SLC9A5: variants seen among roughly 807,000 people sequenced by gnomAD.
SLC9A5 encodes sodium/hydrogen exchanger 5.
In SLC9A5, 52 loss-of-function variants were observed where a neutral mutation model predicts 91.7. That is an observed-to-expected ratio of 0.57 (90% CI 0.45 to 0.71). The LOEUF is 0.71. SLC9A5 is among the 30% of genes least tolerant of loss of function. The pLI is 0.00. For missense variants in SLC9A5, 871 were observed against 1,158.9 expected (o/e 0.75, Z 3.61); for synonymous variants, 419 against 474.5 (o/e 0.88, Z 1.52).
In SLC9A5 at chr16:67,252,865, G is replaced by A. The variant is rs1597345414; in HGVS notation, c.490+21G>A. 1.9e-6 allele frequency: 3 copies of A among 1,598,104 alleles called. No homozygotes were observed. Among genetic ancestry groups the A allele is most frequent in the Non-Finnish European group, 1.7e-6 (2 of 1,173,728 alleles). ...TGTAGGTGAGTGACCCTAAGACCTG[G>A]GCTTTGCCAGACCCATCACCCCTCT... is the stretch of plus-strand genomic sequence containing the variant. On this transcript the variant is annotated intron_variant, in intron 2 of 15. Transcript: ENST00000299798. The surrounding 1 kb of genome is among the most constrained non-coding windows in gnomAD (Gnocchi z 4.0).
chr16:67,263,238 T>C (rs1431937242), intron 12 of SLC9A5: 1 of 151,850 alleles, frequency 6.6e-6, no homozygotes, highest in African/African-American at 2.4e-5. Flanking sequence ...GGAGAGAGGG[T>C]ACCTCCTGGT....
intron 15 of SLC9A5, among the ~76,000 whole-genome samples, chr16:67,268,705 TATA>T (rs1567421751): frequency 5.2e-5 from 5 of 95,452 alleles, no homozygotes; most frequent in African/African-American, 8.6e-5. Flanking sequence ...TATATATATA[TATA>T]TATTTTTACA....
rs2035280203 is a variant in SLC9A5, at chr16:67,255,499, A to G, written c.733+28A>G. ...CAGTATTTCCCCGCTCCCAGCTGGC[A>G]TTGGAGGTCTGCCTCCCCTGGGTTG... On this transcript the variant is annotated intron_variant, in intron 4 of 15. Coordinates refer to ENST00000299798, the MANE Select transcript of SLC9A5 (RefSeq NM_004594.3). The surrounding 1 kb of genome is among the most constrained non-coding windows in gnomAD (Gnocchi z 4.9). The G allele has an allele frequency of 1.2e-6, 2 of 1,609,560 alleles. No homozygotes were observed. Among genetic ancestry groups the G allele is most frequent in the African/African-American group, 2.7e-5 (2 of 74,812 alleles).
intron 2 of SLC9A5, among the ~76,000 whole-genome samples, chr16:67,253,251 A>AT (rs1360448113): frequency 1.1e-4 from 16 of 150,462 alleles, no homozygotes; most frequent in South Asian, 4.2e-4. Flanking sequence ...TTTTATTATT[A>AT]TTTTTTTTTC....
At position 67,271,474 on chromosome 16, in the gene SLC9A5, G is replaced by A; in HGVS notation, c.*264G>A. 1 of 502,866 alleles carries A rather than the reference G, an allele frequency of 2.0e-6. No homozygotes were observed. The highest frequency in any genetic ancestry group is 3.6e-6 in the Non-Finnish European group (1 of 278,740). 31.2% of individuals were successfully genotyped at this position (502,866 alleles called of 1,614,324 possible). On this transcript the variant is annotated 3_prime_UTR_variant, in exon 16 of 16. Transcript: ENST00000299798. ...CAGGACCCAGTCCAGGCCTTCTACG[G>A]GCTAGGCCCAGAGACTTGGGTTGCT...
chr16:67,253,697 A>G (rs2142343333), intron 2 of SLC9A5, among the ~76,000 whole-genome samples: 1 of 152,122 alleles, frequency 6.6e-6, no homozygotes, highest in African/African-American at 2.4e-5. Context: ...TAATTTTTGT[A>G]TTTTTAGTAG....
Position 67,249,177 on chromosome 16 carries a change from C to A in SLC9A5, c.163C>A (p.Leu55Met). 6.5e-7 allele frequency: 1 copy of A among 1,547,530 alleles called. No homozygotes were observed. The highest frequency in any genetic ancestry group is 8.7e-7 in the Non-Finnish European group (1 of 1,152,874). ...EAPYLVALWI[L>M]VASLAKIVFH... ...GCCCTACCTGGTGGCCCTGTGGATC[C>A]TGGTGGCCAGTCTGGCCAAAATCGG... The change falls in exon 1 of 16, where the codon CTG becomes ATG. Residue 55 changes from leucine to methionine, a missense_variant. Physicochemically the swap from Leu to Met is conservative, Grantham distance 15 (BLOSUM62 2). Around this residue, in one of 3 missense-constraint regions of SLC9A5, gnomAD observed 122 missense variants for 114.5 expected, o/e 1.07. Coordinates refer to ENST00000299798, the MANE Select transcript of SLC9A5 (RefSeq NM_004594.3).
At position 67,271,239 on chromosome 16, in the gene SLC9A5, G is replaced by A; in HGVS notation, c.*29G>A. ...AAGGCCTCGGGGAGGAGCAGGAGGT[G>A]GAATCCCTGTGGGAAGTGCTCCCTG... On this transcript the variant is annotated 3_prime_UTR_variant, in exon 16 of 16. Transcript: ENST00000299798. The A allele has an allele frequency of 1.9e-6, 3 of 1,578,716 alleles. No homozygotes were observed. Among genetic ancestry groups the A allele is most frequent in the East Asian group, 2.3e-5 (1 of 43,854 alleles).
In SLC9A5 at chr16:67,257,703, A is replaced by G; in HGVS notation, c.1496+102A>G. The G allele has an allele frequency of 8.0e-7, 1 of 1,250,270 alleles. No homozygotes were observed. Among genetic ancestry groups the G allele is most frequent in the Non-Finnish European group, 1.2e-6 (1 of 865,080 alleles). The allele number at this position is 1,250,270 out of a possible 1,614,324, so 77.4% of individuals were successfully genotyped here. A position where few individuals can be genotyped will look rare whatever the true frequency, so the allele number is the denominator to read the frequency against. On this transcript the variant is annotated intron_variant, in intron 9 of 15. Transcript: ENST00000299798. The surrounding 1 kb of genome is among the most constrained non-coding windows in gnomAD (Gnocchi z 5.1). The stretch of plus-strand genomic sequence containing the variant: ...TCTGAGAAGGGACAGAGCCAGGTTC[A>G]GGCTGGGTGACCTCTGCCTGAAGCC...
Position 67,259,869 on chromosome 16 carries a change from G to A in SLC9A5, c.1765G>A (p.Val589Ile), listed in dbSNP as rs1260526843. 1 of 1,614,188 alleles carries A rather than the reference G, an allele frequency of 6.2e-7. No homozygotes were observed. The highest frequency in any genetic ancestry group is 1.3e-5 in the African/African-American group (1 of 75,034). The change falls in exon 12 of 16, where the codon GTA (valine) becomes ATA (isoleucine). Residue 589 changes from valine (V) to isoleucine (I), a missense_variant. Val to Ile is a conservative substitution (Grantham distance 29). Coordinates refer to ENST00000299798, the MANE Select transcript of SLC9A5 (RefSeq NM_004594.3). ...ACLDLQVIDTVRSGRDREDAV... is the reference protein window; with the variant it reads ...ACLDLQVIDTIRSGRDREDAV... ...TCTGGATCTGCAGGTGATTGACACA[G>A]TACGCAGCGGCCGGGATCGTGAGGA...
In SLC9A5 at chr16:67,270,955, G is replaced by A. The variant is rs768620039; in HGVS notation, c.2436G>A (p.Leu812=). 1.2e-6 allele frequency: 2 copies of A among 1,614,064 alleles called. No homozygotes were observed. Among genetic ancestry groups the A allele is most frequent in the African/African-American group, 1.3e-5 (1 of 75,006 alleles). ...CTCCCTGTAACCAGGCCCCAATTCT[G>A]ACCTGCCTGCCTCCCCATCCACGGG... The part of the protein sequence containing the change: ...ASPPCNQAPI[L]TCLPPHPRGT... The change falls in exon 16 of 16, where the codon CTG becomes CTA. Residue 812 remains leucine, a synonymous_variant. Transcript: ENST00000299798. This position sits in a 1 kb window ranked among gnomAD's most constrained non-coding sequence, Gnocchi z 4.3.
chr16:67,271,500 GGTCCCCCT>G lies in SLC9A5; in HGVS notation c.*291_*298del, dbSNP rs2035924421. The G allele has an allele frequency of 4.5e-6, 2 of 443,498 alleles. No homozygotes were observed. The highest frequency in any genetic ancestry group is 7.2e-5 in the South Asian group (2 of 27,950). 27.5% of individuals were successfully genotyped at this position (443,498 alleles called of 1,614,324 possible). Reference sequence around the variant, plus strand: ...GCTAGGCCCAGAGACTTGGGTTGCTGGTCCCCCTTCCCTAGTGGGTTTTCCCGGGGACT... The same window carrying G: ...GCTAGGCCCAGAGACTTGGGTTGCTGTCCCTAGTGGGTTTTCCCGGGGACT... On this transcript the variant is annotated 3_prime_UTR_variant, in exon 16 of 16. Coordinates refer to ENST00000299798, the MANE Select transcript of SLC9A5 (RefSeq NM_004594.3).
At chr16:67,254,233 C>T (rs550843020) in intron 2 of SLC9A5, among the ~76,000 whole-genome samples, 86 of 152,158 alleles carry the variant, frequency 5.7e-4, no homozygotes, top group Non-Finnish European at 1.0e-3. Flanking sequence ...TTCAGTTCTC[C>T]ACACCTGCTG....
In SLC9A5 at chr16:67,255,975, T is replaced by C; in HGVS notation, c.911+45T>C. The C allele has an allele frequency of 6.3e-7, 1 of 1,585,012 alleles. No homozygotes were observed. On this transcript the variant is annotated intron_variant, in intron 5 of 15. Transcript: ENST00000299798. This position sits in a 1 kb window ranked among gnomAD's most constrained non-coding sequence, Gnocchi z 4.9. ...CAGGCAGATAGCTGGGAGGGGGCAC[T>C]GGAGATGGTTGCCCCTCATAGGGAC...
chr16:67,249,041 C>T lies in SLC9A5; in HGVS notation c.27C>T (p.Leu9=), dbSNP rs754763235. Residue 9 remains leucine (L), a synonymous_variant, in exon 1 of 16, where the codon CTC becomes CTT. Transcript: ENST00000299798. MLRAALSL[L]ALPLAGAAEE... ...TGCTGCGCGCCGCCCTGTCCCTGCT[C>T]GCGCTGCCCCTGGCGGGGGCGGCCG... The T allele has an allele frequency of 4.1e-5, 61 of 1,494,612 alleles. No individual in the cohort carries two copies. The South Asian group carries it at 7.0e-4, about 17-fold the overall frequency. The allele number at this position is 1,494,612 out of a possible 1,614,324, so 92.6% of individuals were successfully genotyped here. A position where few individuals can be genotyped will look rare whatever the true frequency, so the allele number is the denominator to read the frequency against.
At chr16:67,259,032 G>A (rs542581127) in intron 10 of SLC9A5, among the ~76,000 whole-genome samples, 16 of 152,002 alleles carry the variant, frequency 1.1e-4, no homozygotes, top group East Asian at 7.7e-4. Flanking sequence ...GGGCCAAGGC[G>A]GGTGGATCAT....
chr16:67,267,081 GTTT>G (rs980874306), intron 15 of SLC9A5, among the ~76,000 whole-genome samples: 1 of 47,760 alleles, frequency 2.1e-5, no homozygotes, highest in African/African-American at 9.0e-5. Flanking sequence ...CCCAGCTGTT[GTTT>G]TTTTTTTTTT....
In SLC9A5 at chr16:67,270,925, G is replaced by T; in HGVS notation, c.2406G>T (p.Ala802=). The change falls in exon 16 of 16, where the codon GCG becomes GCT. Residue 802 remains alanine, a synonymous_variant. Transcript: ENST00000299798. The surrounding 1 kb of genome is among the most constrained non-coding windows in gnomAD (Gnocchi z 4.3). Reference sequence around the variant, plus strand: ...GCATCTCATCCCTGGAGAGCCTAGCGTCCCCTCCCTGTAACCAGGCCCCAA... The same window carrying T: ...GCATCTCATCCCTGGAGAGCCTAGCTTCCCCTCCCTGTAACCAGGCCCCAA... ...NQSISSLESL[A]SPPCNQAPIL... The T allele has an allele frequency of 6.2e-7, 1 of 1,614,022 alleles. No homozygotes were observed.
chr16:67,259,713 C>T (rs755549189), intron 11 of SLC9A5, 52 bp downstream of exon 11: 2 of 1,594,974 alleles, frequency 1.3e-6, no homozygotes, highest in African/African-American at 2.7e-5. Flanking sequence ...ATTGTGCCCT[C>T]TCTCTGAGTC....
Sources: gnomAD v4.1 joint callset for allele counts (sites outside exome capture counted in the v4.1 genomes callset) on GRCh38, gnomAD v4.1.1 for gene constraint, gnomAD v4.1.1 regional missense constraint, Gnocchi (gnomAD v3.1) non-coding constraint, MANE v1.5 for transcripts, NCBI Gene and HGNC (gene_info 2026-07-23, HGNC 2026-07-21) for gene names.